Variants in ACYP2 observed in about 807,000 individuals in gnomAD.
The protein encoded by ACYP2 is acylphosphatase-2.
Under a neutral mutation model 11.2 loss-of-function variants are expected in ACYP2, and 12 were observed. The observed-to-expected ratio is 1.08, with a 90% CI of 0.69 to 1.74. The LOEUF (loss-of-function observed/expected upper bound fraction) is 1.74, where lower values mean the gene tolerates loss of function less well. ACYP2 is among the 40% of genes most tolerant of loss of function. ACYP2 has a pLI of 0.00. For missense variants in ACYP2, 134 were observed against 101.9 expected, an observed-to-expected ratio of 1.31 and a Z score of -1.35; for synonymous variants, 43 against 32.2, an observed-to-expected ratio of 1.33 and a Z score of -1.13.
At chr2:53,980,630 G>A (rs1671706500) in intron 2 of ACYP2, among the ~76,000 whole-genome samples, 1 of 152,104 alleles carries the variant, frequency 6.6e-6, no homozygotes, top group South Asian at 2.1e-4. Context: ...AAAGTCTACA[G>A]TGGTGTATAG....
intron 6 of ACYP2, among the ~76,000 whole-genome samples, chr2:54,140,644 CA>C (rs781513902): frequency 5.9e-5 from 9 of 152,074 alleles, no homozygotes; most frequent in Admixed American, 2.0e-4. Flanking sequence ...CTTTATCACT[CA>C]AAGATACATC....
chr2:54,256,121 C>T (rs1431602063), intron 6 of ACYP2: 3 of 1,613,800 alleles, frequency 1.9e-6, no homozygotes, highest in South Asian at 1.1e-5. Context: ...TCGAGAGTAG[C>T]GGGGCTGTGA....
At chr2:53,972,894 C>T (rs1671242941) in intron 1 of ACYP2, among the ~76,000 whole-genome samples, 2 of 152,144 alleles carry the variant, frequency 1.3e-5, no homozygotes, top group South Asian at 2.1e-4. Context: ...GGTATGTTGA[C>T]ATATGTATCA....
intron 6 of ACYP2, among the ~76,000 whole-genome samples, chr2:54,171,012 C>T (rs59123806): frequency 0.012 from 1,814 of 152,240 alleles, 41 homozygotes; most frequent in African/African-American, 0.042. Context: ...GGGAGGCTAT[C>T]AAGACTATCG....
chr2:54,299,367 G>T (rs1215200055), intron 6 of ACYP2, among the ~76,000 whole-genome samples: 1 of 152,090 alleles, frequency 6.6e-6, no homozygotes, highest in Non-Finnish European at 1.5e-5. Flanking sequence ...GCCGAGGCGG[G>T]CAGATCACGA....
chr2:54,024,261 G>T (rs925479400), intron 2 of ACYP2, among the ~76,000 whole-genome samples: 1 of 152,022 alleles, frequency 6.6e-6, no homozygotes, highest in Non-Finnish European at 1.5e-5. Flanking sequence ...ACCTACTCAG[G>T]AGGCTGATGC....
chr2:54,140,047 T>C (rs1225251853), intron 6 of ACYP2, among the ~76,000 whole-genome samples: 1 of 152,238 alleles, frequency 6.6e-6, no homozygotes. Flanking sequence ...CTTGTGTTTG[T>C]GTGTAAAACT....
chr2:53,975,756 C>T (rs530801755), intron 2 of ACYP2, among the ~76,000 whole-genome samples: 36 of 152,194 alleles, frequency 2.4e-4, no homozygotes, highest in African/African-American at 8.2e-4. Context: ...CGCTTAAACC[C>T]GGGAGGCAGA....
At chr2:54,222,689 C>A (rs1203344549) in intron 6 of ACYP2, among the ~76,000 whole-genome samples, 1 of 152,054 alleles carries the variant, frequency 6.6e-6, no homozygotes. Context: ...TAGCTCAGAC[C>A]CAAATTGCTG....
intron 2 of ACYP2, among the ~76,000 whole-genome samples, chr2:54,012,803 G>C (rs1323264757): frequency 6.6e-6 from 1 of 152,106 alleles, no homozygotes; most frequent in Non-Finnish European, 1.5e-5. Context: ...CCTATTAAAA[G>C]CTAAGCCAGG....
At chr2:53,973,656 C>A in intron 1 of ACYP2, 1 of 212,300 alleles carries the variant, frequency 4.7e-6, no homozygotes. Context: ...ACCACCTATT[C>A]CAAAACCTAT....
chr2:54,260,208 T>C (rs186566777), intron 6 of ACYP2, among the ~76,000 whole-genome samples: 17 of 152,206 alleles, frequency 1.1e-4, no homozygotes, highest in Non-Finnish European at 2.4e-4. Flanking sequence ...TAGTGAGATT[T>C]ATGAAATCGT....
intron 6 of ACYP2, among the ~76,000 whole-genome samples, chr2:54,281,366 C>A (rs1281078839): frequency 6.6e-6 from 1 of 152,194 alleles, no homozygotes; most frequent in Non-Finnish European, 1.5e-5. Flanking sequence ...GGTGCTGCCA[C>A]AGTGCACATG....
intron 6 of ACYP2, among the ~76,000 whole-genome samples, chr2:54,221,596 A>G (rs1483146533): frequency 6.7e-6 from 1 of 148,648 alleles, no homozygotes; most frequent in Non-Finnish European, 1.5e-5. Context: ...TCTTGGCTCA[A>G]AGTAACCTCT....
At chr2:54,097,526 AT>A (rs1378153530) in intron 4 of ACYP2, among the ~76,000 whole-genome samples, 2 of 152,216 alleles carry the variant, frequency 1.3e-5, no homozygotes, top group African/African-American at 4.8e-5. Flanking sequence ...ATTATTTTGG[AT>A]TTTTTAAATC....
At chr2:54,115,145 G>A (rs2103725890) in intron 4 of ACYP2, among the ~76,000 whole-genome samples, 1 of 152,266 alleles carries the variant, frequency 6.6e-6, no homozygotes, top group African/African-American at 2.4e-5. Context: ...TGCGATAAAT[G>A]TATTGTGTCC....
intron 6 of ACYP2, among the ~76,000 whole-genome samples, chr2:54,196,647 G>T (rs1684493108): frequency 6.6e-6 from 1 of 152,162 alleles, no homozygotes; most frequent in Admixed American, 6.5e-5. Context: ...TTTGTTGTGA[G>T]GGGCTGTCCT....
At chr2:54,031,494 A>G (rs1310698166) in intron 2 of ACYP2, among the ~76,000 whole-genome samples, 1 of 152,096 alleles carries the variant, frequency 6.6e-6, no homozygotes, top group Non-Finnish European at 1.5e-5. Flanking sequence ...CATGGTGCAT[A>G]TGTGCGACAT....
At chr2:54,171,277 C>A (rs2103850114) in intron 6 of ACYP2, among the ~76,000 whole-genome samples, 1 of 152,216 alleles carries the variant, frequency 6.6e-6, no homozygotes, top group Admixed American at 6.5e-5. Flanking sequence ...CTCAGAAGGG[C>A]TTCAAACATA....
Sources: allele counts gnomAD v4.1 joint callset (sites outside exome capture counted in the v4.1 genomes callset), GRCh38; gene constraint gnomAD v4.1.1; transcripts MANE v1.5; gene names NCBI Gene and HGNC (gene_info 2026-07-23, HGNC 2026-07-21).